The following POGK variants were observed in gnomAD, a reference collection of about 807,000 sequenced individuals.
POGK encodes pogo transposable element derived with KRAB domain.
A neutral mutation model predicts 54.4 loss-of-function variants in POGK; 16 were observed. The ratio of observed to expected loss-of-function variants is 0.29; its 90% CI spans 0.20 to 0.45. The LOEUF is 0.45. Among genes scored for constraint, POGK ranks in the 20% least tolerant of loss-of-function variants. POGK has a pLI of 1.00. For missense variants in POGK, 515 were observed against 795.6 expected (o/e 0.65, Z 4.24); for synonymous variants, 271 against 302.2 (o/e 0.90, Z 1.07).
chr1:166,850,476 A>G, intron 5 of POGK, 53 bp downstream of exon 5: 3 of 1,508,804 alleles, frequency 2.0e-6, no homozygotes, highest in South Asian at 1.3e-5. Flanking sequence ...TCTGTGTTCT[A>G]CAAACACCTT....
At chr1:166,842,802 A>G (rs1214960466) in intron 2 of POGK, among the ~76,000 whole-genome samples, 5 of 151,978 alleles carry the variant, frequency 3.3e-5, no homozygotes, top group Admixed American at 6.6e-5. Context: ...AAGCCAGGGG[A>G]GCTGCTAGAT....
Position 166,853,818 on chromosome 1 carries a change from A to C in POGK, c.*1248A>C, listed in dbSNP as rs1658173953. On this transcript the variant is annotated 3_prime_UTR_variant, in exon 6 of 6. Transcript: ENST00000367876. ...TTGAAACACCTATTTCTACTCAGGT[A>C]CTCATTGTCCTGTTACTGATTCACC... is the stretch of plus-strand genomic sequence containing the variant. 6.6e-6 allele frequency: 1 copy of C among 152,014 alleles called. No individual in the cohort carries two copies. The allele number at this position is 152,014 out of a possible 1,614,324, so 9.4% of individuals were successfully genotyped here.
chr1:166,846,057 A>G (rs1657831517), intron 2 of POGK, among the ~76,000 whole-genome samples: 1 of 152,180 alleles, frequency 6.6e-6, no homozygotes, highest in South Asian at 2.1e-4. Flanking sequence ...TGTGGGTTCC[A>G]AGTCTAACAC....
In POGK at chr1:166,854,083, C is replaced by G. The variant is rs1421644599; in HGVS notation, c.*1513C>G. Reference sequence around the variant, plus strand: ...GGCTCTTTCTTCATGTCTTATTTCTCTTGCTTTGGGAGCTTAAAAGATTTT... The same window carrying G: ...GGCTCTTTCTTCATGTCTTATTTCTGTTGCTTTGGGAGCTTAAAAGATTTT... On this transcript the variant is annotated 3_prime_UTR_variant, in exon 6 of 6. Transcript: ENST00000367876. The G allele has an allele frequency of 5.9e-5, 9 of 152,360 alleles. 1 individual carries two copies. 9.4% of individuals were successfully genotyped at this position (152,360 alleles called of 1,614,324 possible).
At chr1:166,842,432 C>G (rs1207677694) in intron 2 of POGK, among the ~76,000 whole-genome samples, 1 of 152,126 alleles carries the variant, frequency 6.6e-6, no homozygotes, top group Non-Finnish European at 1.5e-5. Flanking sequence ...CAGTGCTGGG[C>G]GTAAAGAGAG....
intron 2 of POGK, among the ~76,000 whole-genome samples, chr1:166,846,307 C>T (rs905756060): frequency 2.6e-5 from 4 of 152,144 alleles, no homozygotes; most frequent in Admixed American, 1.3e-4. Context: ...CATGAGGGTG[C>T]GATGTCCCAT....
intron 2 of POGK, among the ~76,000 whole-genome samples, chr1:166,844,034 T>TA (rs879654693): frequency 1.3e-5 from 2 of 152,240 alleles, no homozygotes; most frequent in Non-Finnish European, 2.9e-5. Context: ...AGGGCCTGGC[T>TA]GAAGGATCGC....
intron 4 of POGK, 42 bp downstream of exon 4, chr1:166,847,634 C>G: frequency 6.8e-7 from 1 of 1,478,978 alleles, no homozygotes; most frequent in Non-Finnish European, 9.4e-7. Context: ...CAGCTGGGAA[C>G]ATTGTGGAGT....
In POGK at chr1:166,849,631, G is replaced by A; in HGVS notation, c.1052G>A (p.Arg351Lys). ...CAGCGCAGTGTCCTGGCTCTGCGCA[G>A]GGCGCATGACTATGAGGTAGCTCAG... ...TYQRSVLALR[R>K]AHDYEVAQMG... The change falls in exon 5 of 6, where the codon AGG becomes AAG. Residue 351 changes from arginine to lysine, a missense_variant. Arg to Lys is a conservative substitution (Grantham distance 26, BLOSUM62 2). Transcript: ENST00000367876. 6.2e-7 allele frequency: 1 copy of A among 1,614,286 alleles called. No homozygotes were observed. The highest frequency in any genetic ancestry group is 8.5e-7 in the Non-Finnish European group (1 of 1,180,056).
At chr1:166,847,346 C>CT (rs1657889556) in intron 3 of POGK, 148 bp from the exon 4 acceptor site, 2 of 603,518 alleles carry the variant, frequency 3.3e-6, no homozygotes. Context: ...TTTCCATTAT[C>CT]TTTTTTCTTT....
chr1:166,849,347 T>G lies in POGK; in HGVS notation c.768T>G (p.Asn256Lys), dbSNP rs1437375793. 6.2e-7 allele frequency: 1 copy of G among 1,614,138 alleles called. No individual in the cohort carries two copies. The highest frequency in any genetic ancestry group is 1.7e-5 in the Admixed American group (1 of 60,034). Residue 256 changes from asparagine (N) to lysine (K), a missense_variant, in exon 5 of 6, where the codon AAT (asparagine) becomes AAG (lysine). Transcript: ENST00000367876. Reference sequence around the variant, plus strand: ...GGCGGGCATTCCGAGGCCCCAAGAATGGGAGGTTTGCTCTGGTGGACCAGC... The same window carrying G: ...GGCGGGCATTCCGAGGCCCCAAGAAGGGGAGGTTTGCTCTGGTGGACCAGC... ...AMRRAFRGPKNGRFALVDQRV... is the reference protein window; with the variant it reads ...AMRRAFRGPKKGRFALVDQRV...
rs1203370384 is a variant in POGK at position 166,849,725 on chromosome 1, C to T, written c.1146C>T (p.Gly382=). 6.2e-6 allele frequency: 10 copies of T among 1,614,102 alleles called. No homozygotes were observed. The highest frequency in any genetic ancestry group is 5.0e-5 in the Admixed American group (3 of 60,012). The part of the protein sequence containing the change: ...VPSRVTVDNQ[G]EKPVLVKTPG... ...CACGGGTAACTGTTGATAACCAGGG[C>T]GAAAAGCCTGTCTTGGTCAAGACAC... Residue 382 remains glycine, a synonymous_variant, in exon 5 of 6, where the codon GGC becomes GGT. Coordinates refer to ENST00000367876, the MANE Select transcript of POGK (RefSeq NM_017542.5).
intron 2 of POGK, among the ~76,000 whole-genome samples, chr1:166,844,606 T>C (rs1045252967): frequency 3.3e-5 from 5 of 152,190 alleles, no homozygotes; most frequent in African/African-American, 1.2e-4. Context: ...CAGTTCCAAG[T>C]AGAACAAGAG....
At chr1:166,846,814 T>A in intron 3 of POGK, 76 bp downstream of exon 3, 1 of 1,562,896 alleles carries the variant, frequency 6.4e-7, no homozygotes, top group Non-Finnish European at 8.8e-7. Flanking sequence ...TTCTCTGGTA[T>A]ATCCAATGTC....
chr1:166,852,029 A>G (rs536168377), intron 5 of POGK: 20 of 152,326 alleles, frequency 1.3e-4, no homozygotes, highest in African/African-American at 4.8e-4. Context: ...ACAATGGAGC[A>G]AGAAGTTCTT....
rs1658138095 is a variant in POGK, at chr1:166,853,005, A to G, written c.*435A>G. 1 of 152,222 alleles carries G rather than the reference A, an allele frequency of 6.6e-6. No individual in the cohort carries two copies. Among genetic ancestry groups the G allele is most frequent in the Non-Finnish European group, 1.5e-5 (1 of 68,040 alleles). The allele number at this position is 152,222 out of a possible 1,614,324, so 9.4% of individuals were successfully genotyped here. A position where few individuals can be genotyped will look rare whatever the true frequency, so the allele number is the denominator to read the frequency against. The stretch of plus-strand genomic sequence containing the variant: ...CTTCTATGGAGAAAACCTCAAGTAA[A>G]GTTTTATTCTGCCTTTGAAAATGCT... On this transcript the variant is annotated 3_prime_UTR_variant, in exon 6 of 6. Transcript: ENST00000367876.
chr1:166,849,842 T>C lies in POGK; in HGVS notation c.1263T>C (p.Tyr421=), dbSNP rs1387186318. Residue 421 remains tyrosine (Y), a synonymous_variant, in exon 5 of 6, where the codon TAT becomes TAC. Coordinates refer to ENST00000367876, the MANE Select transcript of POGK (RefSeq NM_017542.5). ...CGTACATCATTTTGAGGGGAACATATATCCCCCCGGGGAAGTTTCCCAGTG... is the reference window on the plus strand; with the variant it reads ...CGTACATCATTTTGAGGGGAACATACATCCCCCCGGGGAAGTTTCCCAGTG... ...LPPYIILRGT[Y]IPPGKFPSGM... is the part of the protein sequence containing the mutation. 7 of 1,614,234 alleles carry C rather than the reference T, an allele frequency of 4.3e-6. No homozygotes were observed. The highest frequency in any genetic ancestry group is 4.2e-6 in the Non-Finnish European group (5 of 1,180,030).
Position 166,850,018 on chromosome 1 carries a change from C to A in POGK, c.1439C>A (p.Ser480Tyr). The change falls in exon 5 of 6, where the codon TCC becomes TAC. Residue 480 changes from serine (S) to tyrosine (Y), a missense_variant. Physicochemically the swap from Ser to Tyr is moderately radical, Grantham distance 144 (BLOSUM62 -2). Around this residue, in one of 2 missense-constraint regions of POGK, gnomAD observed 461 missense variants for 743.5 expected, o/e 0.62. Coordinates refer to ENST00000367876, the MANE Select transcript of POGK (RefSeq NM_017542.5). The stretch of plus-strand genomic sequence containing the variant: ...GGCTTCCGGGGCCATGCCACAGATT[C>A]CGTGAAGAACTCCATGGAAAGCATG... Reference protein sequence around the residue: ...LNGFRGHATDSVKNSMESMNT... With the variant: ...LNGFRGHATDYVKNSMESMNT... 1 of 1,614,172 alleles carries A rather than the reference C, an allele frequency of 6.2e-7. No individual in the cohort carries two copies. Among genetic ancestry groups the A allele is most frequent in the Non-Finnish European group, 8.5e-7 (1 of 1,180,012 alleles).
chr1:166,847,473 T>A, intron 3 of POGK, 21 bp from the exon 4 acceptor site: 1 of 1,590,082 alleles, frequency 6.3e-7, no homozygotes, highest in Non-Finnish European at 8.6e-7. Flanking sequence ...AGCTGTTACC[T>A]ATTTTATTTC....
Sources: allele counts gnomAD v4.1 joint callset (sites outside exome capture counted in the v4.1 genomes callset), GRCh38; gene constraint gnomAD v4.1.1; regional missense constraint gnomAD v4.1.1; transcripts MANE v1.5; gene names NCBI Gene and HGNC (gene_info 2026-07-23, HGNC 2026-07-21).